The following OR9Q1 variants were observed in gnomAD, a reference collection of about 807,000 sequenced individuals.
OR9Q1 encodes olfactory receptor family 9 subfamily Q member 1.
For synonymous variants in OR9Q1, 153 were observed against 148.6 expected, an observed-to-expected ratio of 1.03 and a Z score of -0.22; for missense variants, 374 against 378.8, an observed-to-expected ratio of 0.99 and a Z score of 0.11.
chr11:58,056,485 GA>G (rs1466387637), intron 2 of OR9Q1, among the ~76,000 whole-genome samples: 2 of 152,060 alleles, frequency 1.3e-5, no homozygotes, highest in East Asian at 1.9e-4. Context: ...TTAAGTAGTT[GA>G]AAAAAATTAA....
chr11:58,125,398 T>A (rs1413256547), intron 2 of OR9Q1: 1 of 152,164 alleles, frequency 6.6e-6, no homozygotes. Context: ...GGACCTTACT[T>A]CAGAGCCAAG....
At chr11:58,146,069 T>C (rs1330100940) in intron 2 of OR9Q1, among the ~76,000 whole-genome samples, 1 of 152,222 alleles carries the variant, frequency 6.6e-6, no homozygotes, top group Non-Finnish European at 1.5e-5. Flanking sequence ...AAGAAGGATG[T>C]AATGATTTGC....
chr11:58,118,979 C>A, intron 2 of OR9Q1: 1 of 1,613,888 alleles, frequency 6.2e-7, no homozygotes, highest in Non-Finnish European at 8.5e-7. Context: ...CGCAGGATGG[C>A]TCCTGACACC....
At chr11:58,098,175 G>T (rs1853749305) in intron 2 of OR9Q1, among the ~76,000 whole-genome samples, 1 of 152,206 alleles carries the variant, frequency 6.6e-6, no homozygotes, top group Non-Finnish European at 1.5e-5. Context: ...ATGTTTGAGA[G>T]AAATCATCTG....
chr11:58,134,206 C>G (rs573046694), intron 2 of OR9Q1, among the ~76,000 whole-genome samples: 6 of 152,294 alleles, frequency 3.9e-5, no homozygotes, highest in Middle Eastern at 3.4e-3. Context: ...TCTCCCTAAT[C>G]CCCCTTGAAA....
At chr11:58,079,940 G>T (rs1188717547) in intron 2 of OR9Q1, among the ~76,000 whole-genome samples, 2 of 152,128 alleles carry the variant, frequency 1.3e-5, no homozygotes, top group Non-Finnish European at 2.9e-5. Context: ...ATGGTTGTTG[G>T]TTAAACCCAC....
At chr11:58,139,534 T>C (rs1325690467) in intron 2 of OR9Q1, among the ~76,000 whole-genome samples, 3 of 151,846 alleles carry the variant, frequency 2.0e-5, no homozygotes, top group Non-Finnish European at 4.4e-5. Context: ...ACATGTGGTG[T>C]TTGGTTTTTT....
chr11:58,054,747 A>G (rs1470039788), intron 1 of OR9Q1, among the ~76,000 whole-genome samples: 1 of 152,084 alleles, frequency 6.6e-6, no homozygotes, highest in African/African-American at 2.4e-5. Flanking sequence ...AACATGGTAA[A>G]ACCCCATCTC....
At chr11:58,136,894 G>A (rs1190462938) in intron 2 of OR9Q1, among the ~76,000 whole-genome samples, 2 of 152,202 alleles carry the variant, frequency 1.3e-5, no homozygotes, top group African/African-American at 4.8e-5. Context: ...GGAGCTGGCT[G>A]TAGTAGCACA....
chr11:58,131,819 A>G (rs1854144297), intron 2 of OR9Q1, among the ~76,000 whole-genome samples: 1 of 152,174 alleles, frequency 6.6e-6, no homozygotes. Context: ...GGGGTGGCTT[A>G]TAGGCCTCTC....
At chr11:58,124,656 T>A (rs1452894310) in intron 2 of OR9Q1, 2 of 152,156 alleles carry the variant, frequency 1.3e-5, no homozygotes, top group Non-Finnish European at 1.5e-5. Flanking sequence ...AATAACATAA[T>A]GAGAGAGAAA....
intron 1 of OR9Q1, among the ~76,000 whole-genome samples, chr11:58,025,607 G>T (rs1429798373): frequency 6.6e-6 from 1 of 152,160 alleles, no homozygotes; most frequent in African/African-American, 2.4e-5. Flanking sequence ...TGGAACTCTC[G>T]CTCAGAAAGA....
chr11:58,031,853 G>T (rs1853044533), intron 1 of OR9Q1: 1 of 1,614,052 alleles, frequency 6.2e-7, no homozygotes, highest in Non-Finnish European at 8.5e-7. Context: ...GAACAAGGAA[G>T]TGAAGGGAGC....
chr11:58,059,268 T>C (rs1853355860), intron 2 of OR9Q1, among the ~76,000 whole-genome samples: 1 of 152,194 alleles, frequency 6.6e-6, no homozygotes, highest in South Asian at 2.1e-4. Flanking sequence ...CTATACATTG[T>C]ATAATTCTTG....
chr11:58,169,991 C>T (rs1327571504), intron 2 of OR9Q1, among the ~76,000 whole-genome samples: 4 of 151,978 alleles, frequency 2.6e-5, no homozygotes, highest in Non-Finnish European at 5.9e-5. Flanking sequence ...TTTTTGAACC[C>T]TCTCAGTGAC....
intron 2 of OR9Q1, among the ~76,000 whole-genome samples, chr11:58,163,996 A>G (rs1425419131): frequency 6.6e-6 from 1 of 152,166 alleles, no homozygotes; most frequent in East Asian, 1.9e-4. Flanking sequence ...TTTGCATATA[A>G]ATAATCCCAA....
chr11:58,083,628 AT>A lies in OR9Q1; in HGVS notation c.-15+27685del, dbSNP rs1853609326. Among the ~76,000 whole-genome samples the A allele has an allele frequency of 1.3e-5, 2 of 148,646 alleles. 1 individual carries two copies. The highest frequency in any genetic ancestry group is 5.1e-5 in the African/African-American group (2 of 38,962). On this transcript the variant is annotated intron_variant, in intron 2 of 2. Coordinates refer to ENST00000335397, the MANE Select transcript of OR9Q1 (RefSeq NM_001005212.4). ...TAAGTCTTTAATCCATCTTGAGTTA[AT>A]TTTGTATATGCTGAAAGGTAAGGGT...
intron 2 of OR9Q1, among the ~76,000 whole-genome samples, chr11:58,172,660 C>T (rs1427725662): frequency 1.3e-5 from 2 of 152,006 alleles, no homozygotes; most frequent in East Asian, 1.9e-4. Context: ...AGAACTCATA[C>T]TTGTAAGATT....
intron 2 of OR9Q1, among the ~76,000 whole-genome samples, chr11:58,148,532 A>G (rs1309221932): frequency 1.3e-5 from 2 of 152,174 alleles, no homozygotes; most frequent in East Asian, 3.9e-4. Flanking sequence ...GCCATGTGCA[A>G]ATGACCACAA....
Sources: allele counts gnomAD v4.1 joint callset (sites outside exome capture counted in the v4.1 genomes callset), GRCh38; gene constraint gnomAD v4.1.1; transcripts MANE v1.5; gene names NCBI Gene and HGNC (gene_info 2026-07-23, HGNC 2026-07-21).